Variants in CPS1 observed in about 807,000 individuals in gnomAD.
CPS1 encodes the protein carbamoyl-phosphate synthase 1.
A neutral mutation model predicts 174.6 loss-of-function variants in CPS1; 109 were observed. That is an observed-to-expected ratio of 0.62 (90% CI 0.53 to 0.73). CPS1 has a LOEUF of 0.73. Ranked by LOEUF, CPS1 falls within the 30% of genes least tolerant of loss-of-function variation. The pLI, the probability that CPS1 is intolerant of heterozygous loss-of-function variation, is 0.00. For synonymous variants in CPS1, 637 were observed against 632.0 expected (o/e 1.01, Z -0.12); for missense variants, 1,689 against 1,821.9 (o/e 0.93, Z 1.33).
chr2:210,615,878 T>C (rs1307383662), intron 20 of CPS1, among the ~76,000 whole-genome samples: 1 of 151,998 alleles, frequency 6.6e-6, no homozygotes, highest in Non-Finnish European at 1.5e-5. Context: ...TTATTTGAAG[T>C]CCTCTGTGAG....
At chr2:210,510,823 A>G (rs1184239798) in intron 1 of CPS1, among the ~76,000 whole-genome samples, 7 of 152,226 alleles carry the variant, frequency 4.6e-5, no homozygotes, top group African/African-American at 1.7e-4. Flanking sequence ...AATCAAAACC[A>G]CAATGAGATA....
rs1298255125 is a variant in CPS1, at chr2:210,595,570, A to G, written c.1347A>G (p.Val449=). 1.2e-6 allele frequency: 2 copies of G among 1,608,866 alleles called. No individual in the cohort carries two copies. Among genetic ancestry groups the G allele is most frequent in the Middle Eastern group, 1.7e-4 (1 of 6,038 alleles). ...TTGATTACTCAGGATCTCAAGCTGT[A>G]AAAGCCATGAAGGTGAGAGAATATG... ...GEFDYSGSQA[V]KAMKEENVKT... is the part of the protein sequence containing the mutation. Residue 449 remains valine (V), a synonymous_variant, in exon 13 of 38, where the codon GTA becomes GTG. Coordinates refer to ENST00000233072, the MANE Select transcript of CPS1 (RefSeq NM_001875.5).
intron 1 of CPS1, among the ~76,000 whole-genome samples, chr2:210,546,589 CT>C (rs1696571592): frequency 6.6e-6 from 1 of 152,034 alleles, no homozygotes. Context: ...TAAAATTGAT[CT>C]AACCAATATT....
intron 1 of CPS1, among the ~76,000 whole-genome samples, chr2:210,509,811 C>T (rs1695400437): frequency 6.6e-6 from 1 of 152,156 alleles, no homozygotes; most frequent in Non-Finnish European, 1.5e-5. Flanking sequence ...TAGGATCCAA[C>T]TTACAAGGGA....
intron 1 of CPS1, among the ~76,000 whole-genome samples, chr2:210,508,244 A>T (rs1335592797): frequency 6.6e-6 from 1 of 151,610 alleles, no homozygotes; most frequent in Non-Finnish European, 1.5e-5. Context: ...CCACTCAACT[A>T]CACGGAAACT....
At chr2:210,587,935 C>G in intron 6 of CPS1, 123 bp from the exon 7 acceptor site, 2 of 865,636 alleles carry the variant, frequency 2.3e-6, no homozygotes, top group East Asian at 4.9e-5. Flanking sequence ...CAGTCACTCC[C>G]TAGTAGTTAA....
At chr2:210,588,284 T>G (rs1367334467) in intron 7 of CPS1, 137 bp downstream of exon 7, 4 of 781,092 alleles carry the variant, frequency 5.1e-6, no homozygotes, top group Non-Finnish European at 8.8e-6. Context: ...TGCTTTTGAT[T>G]TACAAAATAA....
rs527653022 is a variant in CPS1, at chr2:210,532,037, A to G, written c.4-24682A>G. 2.0e-5 allele frequency among the ~76,000 whole-genome samples: 3 copies of G among 152,272 alleles called. No individual in the cohort carries two copies. In the East Asian group the frequency reaches 5.8e-4, roughly 29 times the overall value. Reference sequence around the variant, plus strand: ...TGGAGTACTGTTAACTCTGAAAATCACACAATTCTTTGGTATTCTTTTAAA... The same window carrying G: ...TGGAGTACTGTTAACTCTGAAAATCGCACAATTCTTTGGTATTCTTTTAAA... On this transcript the variant is annotated intron_variant, in intron 1 of 38. Coordinates refer to the CPS1 transcript ENST00000430249.
chr2:210,495,543 C>A (rs1694972167), intron 1 of CPS1, among the ~76,000 whole-genome samples: 1 of 152,170 alleles, frequency 6.6e-6, no homozygotes. Flanking sequence ...AGCTTTTCTT[C>A]TTGTGGTAGG....
chr2:210,484,046 A>C (rs989091673), intron 1 of CPS1, among the ~76,000 whole-genome samples: 3 of 152,190 alleles, frequency 2.0e-5, no homozygotes, highest in African/African-American at 7.2e-5. Context: ...TAAGCAAACA[A>C]ATGACTACAA....
At chr2:210,655,524 TG>T (rs5838214) in intron 29 of CPS1, among the ~76,000 whole-genome samples, 37,915 of 152,072 alleles carry the variant, frequency 0.25, 5,678 homozygotes, top group Middle Eastern at 0.35. Flanking sequence ...CTGAGCTCAG[TG>T]GGGTGAATGC....
intron 1 of CPS1, among the ~76,000 whole-genome samples, chr2:210,561,387 C>T (rs996018336): frequency 2.6e-5 from 4 of 152,186 alleles, no homozygotes; most frequent in African/African-American, 9.7e-5. Context: ...TTGACCTGTG[C>T]TTTCCTCTCC....
chr2:210,650,405 A>G lies in CPS1; in HGVS notation c.3447A>G (p.Lys1149=), dbSNP rs1472914107. The part of the protein sequence containing the change: ...MNVVFSEDEM[K]KFLEEATRVS... ...TGGTATTCTCTGAGGATGAGATGAA[A>G]AAATTCCTAGAAGAGGCGACTAGAG... is the stretch of plus-strand genomic sequence containing the variant. The change falls in exon 28 of 38, where the codon AAA becomes AAG. Residue 1149 remains lysine (K), a synonymous_variant. Transcript: ENST00000233072. 1.2e-6 allele frequency: 2 copies of G among 1,613,660 alleles called. No homozygotes were observed. The highest frequency in any genetic ancestry group is 1.7e-5 in the Admixed American group (1 of 59,998).
chr2:210,603,164 A>T (rs1438579692), intron 16 of CPS1, among the ~76,000 whole-genome samples: 1 of 151,946 alleles, frequency 6.6e-6, no homozygotes, highest in Non-Finnish European at 1.5e-5. Flanking sequence ...AAACCTGTGT[A>T]ACTTACATGG....
chr2:210,506,366 C>A (rs1485656784), intron 1 of CPS1, among the ~76,000 whole-genome samples: 1 of 152,052 alleles, frequency 6.6e-6, no homozygotes, highest in Non-Finnish European at 1.5e-5. Flanking sequence ...AAGACATCCA[C>A]ACCAAAACCC....
intron 21 of CPS1, among the ~76,000 whole-genome samples, chr2:210,625,862 A>G (rs377294325): frequency 3.7e-4 from 56 of 152,212 alleles, no homozygotes; most frequent in African/African-American, 1.3e-3. Flanking sequence ...TATCCTATTT[A>G]TGCTATTTTT....
chr2:210,499,307 A>G (rs904064446), intron 1 of CPS1, among the ~76,000 whole-genome samples: 3 of 152,252 alleles, frequency 2.0e-5, no homozygotes, highest in South Asian at 2.1e-4. Context: ...CCACCCAGAA[A>G]TGATACACAT....
At chr2:210,677,619 A>G (rs759750676) in intron 37 of CPS1, among the ~76,000 whole-genome samples, 1 of 152,198 alleles carries the variant, frequency 6.6e-6, no homozygotes, top group African/African-American at 2.4e-5. Flanking sequence ...CTTTCTGCCT[A>G]TCATATTTAT....
In CPS1 at chr2:210,590,885, A is replaced by G. The variant is rs1194570938; in HGVS notation, c.926A>G (p.Tyr309Cys). The change falls in exon 9 of 38, where the codon TAC becomes TGC. Residue 309 changes from tyrosine to cysteine, a missense_variant. Coordinates refer to ENST00000233072, the MANE Select transcript of CPS1 (RefSeq NM_001875.5). ...ITGLAAGAKT[Y>C]KMSMANRGQN... ...GGATTGGCTGCTGGTGCCAAAACCT[A>G]CAAGATGTCCATGGCCAACAGGTGA... 2.5e-6 allele frequency: 4 copies of G among 1,611,288 alleles called. No homozygotes were observed. Among genetic ancestry groups the G allele is most frequent in the African/African-American group, 1.3e-5 (1 of 74,766 alleles).
Sources: allele counts gnomAD v4.1 joint callset (sites outside exome capture counted in the v4.1 genomes callset), GRCh38; gene constraint gnomAD v4.1.1; transcripts MANE v1.5; gene names NCBI Gene and HGNC (gene_info 2026-07-23, HGNC 2026-07-21).